The following MAGI2 variants were observed in gnomAD, a reference collection of about 807,000 sequenced individuals.
The protein encoded by MAGI2 is membrane associated guanylate kinase, WW and PDZ domain containing 2, also known as membrane-associated guanylate kinase, WW and PDZ domain-containing protein 2.
MAGI2 carries 35 observed loss-of-function variants against 133.3 expected under a neutral mutation model. That is an observed-to-expected ratio of 0.26 (90% CI 0.20 to 0.35). MAGI2 has a LOEUF of 0.35. MAGI2 is among the 10% of genes least tolerant of loss of function. The pLI is 1.00. For synonymous variants in MAGI2, 729 were observed against 710.6 expected, an observed-to-expected ratio of 1.03 and a Z score of -0.41; for missense variants, 1,636 against 1,863.4, an observed-to-expected ratio of 0.88 and a Z score of 2.25.
At chr7:78,030,764 C>G (rs1287417847) in intron 21 of MAGI2, among the ~76,000 whole-genome samples, 1 of 152,204 alleles carries the variant, frequency 6.6e-6, no homozygotes, top group Non-Finnish European at 1.5e-5. Context: ...AATTAAGACT[C>G]TCACACAATG....
At chr7:78,319,091 G>T (rs961536066) in intron 9 of MAGI2, among the ~76,000 whole-genome samples, 1 of 152,186 alleles carries the variant, frequency 6.6e-6, no homozygotes, top group Non-Finnish European at 1.5e-5. Context: ...GCATCATAAT[G>T]ACAGGATCAA....
intron 3 of MAGI2, among the ~76,000 whole-genome samples, chr7:78,587,209 A>G (rs951829219): frequency 1.3e-5 from 2 of 152,208 alleles, no homozygotes; most frequent in Non-Finnish European, 2.9e-5. Context: ...AATGTACAAG[A>G]GTTCCAACTT....
intron 1 of MAGI2, among the ~76,000 whole-genome samples, chr7:79,330,461 C>T (rs978289181): frequency 1.3e-5 from 2 of 152,024 alleles, no homozygotes; most frequent in Admixed American, 6.6e-5. Context: ...TCCGAAAATG[C>T]TGGGATTACA....
At chr7:78,923,986 C>G (rs1799480575) in intron 2 of MAGI2, among the ~76,000 whole-genome samples, 1 of 152,036 alleles carries the variant, frequency 6.6e-6, no homozygotes, top group African/African-American at 2.4e-5. Context: ...CATGATTTGG[C>G]TCTCTGTTTG....
At chr7:78,885,102 A>G (rs552209931) in intron 2 of MAGI2, among the ~76,000 whole-genome samples, 1 of 152,156 alleles carries the variant, frequency 6.6e-6, no homozygotes, top group Non-Finnish European at 1.5e-5. Flanking sequence ...GGAGCTAAAC[A>G]TTAGGTACAT....
chr7:78,689,936 T>A (rs1816785298), intron 2 of MAGI2, among the ~76,000 whole-genome samples: 1 of 152,112 alleles, frequency 6.6e-6, no homozygotes, highest in African/African-American at 2.4e-5. Context: ...ATTATGCAAT[T>A]TTAACTACAT....
chr7:78,345,387 A>C (rs1220366349), intron 8 of MAGI2: 1 of 152,742 alleles, frequency 6.5e-6, no homozygotes, highest in Non-Finnish European at 1.5e-5. Flanking sequence ...GCAGCAACTC[A>C]TCCCACTACG....
At chr7:78,487,773 T>C (rs6974799) in intron 6 of MAGI2, among the ~76,000 whole-genome samples, 30,268 of 152,014 alleles carry the variant, frequency 0.2, 3,395 homozygotes, top group East Asian at 0.47. Context: ...TCGGAGCCTC[T>C]ACATTTTTAA....
intron 6 of MAGI2, 50 bp downstream of exon 6, chr7:78,489,711 A>C: frequency 7.2e-7 from 1 of 1,380,612 alleles, no homozygotes; most frequent in Non-Finnish European, 1.0e-6. Flanking sequence ...AAGAAACACA[A>C]ACATTCTCAA....
chr7:79,315,325 ATTTTTTTTTTT>A (rs775143230), intron 1 of MAGI2, among the ~76,000 whole-genome samples: 2 of 92,496 alleles, frequency 2.2e-5, no homozygotes, highest in Non-Finnish European at 5.0e-5. Context: ...TGCCCAGTTA[ATTTTTTTTTTT>A]TTTTTTTTTT....
At chr7:78,987,286 A>T (rs1055907508) in intron 2 of MAGI2, among the ~76,000 whole-genome samples, 2 of 152,058 alleles carry the variant, frequency 1.3e-5, no homozygotes, top group Non-Finnish European at 2.9e-5. Flanking sequence ...AATGAATACA[A>T]CGTTAATTGC....
intron 6 of MAGI2, among the ~76,000 whole-genome samples, chr7:78,481,930 ATATT>A (rs779547044): frequency 3.0e-4 from 46 of 151,934 alleles, no homozygotes; most frequent in Non-Finnish European, 6.2e-4. Context: ...AAAGTTAAAA[ATATT>A]TATCTGTAAA....
At chr7:78,868,017 G>A (rs969023882) in intron 2 of MAGI2, among the ~76,000 whole-genome samples, 1 of 152,084 alleles carries the variant, frequency 6.6e-6, no homozygotes, top group African/African-American at 2.4e-5. Context: ...GTGTTGATAC[G>A]ATTTTTAACA....
At position 78,109,773 on chromosome 7, in the gene MAGI2, G is replaced by A. The variant is rs565215208; in HGVS notation, c.3567+15921C>T. ...AATACAATTTTGGTAGTTGTAGGAA[G>A]CATGAATAGGAGAAATTTGAGGCTA... On this transcript the variant is annotated intron_variant, in intron 20 of 21. Transcript: ENST00000354212. Among the ~76,000 whole-genome samples, 21 of 152,342 alleles carry A rather than the reference G, an allele frequency of 1.4e-4. No homozygotes were observed. In the South Asian group the frequency reaches 3.5e-3, roughly 26 times the overall value.
chr7:78,917,871 C>T (rs766488863), intron 2 of MAGI2, among the ~76,000 whole-genome samples: 2 of 152,100 alleles, frequency 1.3e-5, no homozygotes, highest in Admixed American at 6.6e-5. Context: ...TAAACAGAAG[C>T]GATTCATAAG....
chr7:78,871,981 C>A (rs1795063940), intron 2 of MAGI2, among the ~76,000 whole-genome samples: 1 of 151,706 alleles, frequency 6.6e-6, no homozygotes, highest in Admixed American at 6.6e-5. Flanking sequence ...ACATCAACCA[C>A]AAACACATAT....
chr7:79,344,217 TAA>T (rs35800680), intron 1 of MAGI2, among the ~76,000 whole-genome samples: 2,320 of 149,258 alleles, frequency 0.016, 50 homozygotes, highest in African/African-American at 0.055. Context: ...CTTCACTGGT[TAA>T]AAAAAAAAAG....
chr7:78,282,483 G>A (rs1305059770), intron 9 of MAGI2, among the ~76,000 whole-genome samples: 1 of 152,080 alleles, frequency 6.6e-6, no homozygotes, highest in African/African-American at 2.4e-5. Context: ...GAGTTGAAAT[G>A]TTGCATCAGA....
At chr7:78,880,006 C>G (rs1297499676) in intron 2 of MAGI2, among the ~76,000 whole-genome samples, 5 of 151,944 alleles carry the variant, frequency 3.3e-5, no homozygotes, top group Admixed American at 6.6e-5. Flanking sequence ...CATACTAACA[C>G]AGTTAGACAA....
Sources: allele counts gnomAD v4.1 joint callset (sites outside exome capture counted in the v4.1 genomes callset), GRCh38; gene constraint gnomAD v4.1.1; transcripts MANE v1.5; gene names NCBI Gene and HGNC (gene_info 2026-07-23, HGNC 2026-07-21).